The following PLCG2 variants were observed in gnomAD, a reference collection of about 807,000 sequenced individuals.
PLCG2 encodes phospholipase C gamma 2, also known as 1-phosphatidylinositol 4,5-bisphosphate phosphodiesterase gamma-2.
In PLCG2, 69 loss-of-function variants were observed where a neutral mutation model predicts 175.6. The observed-to-expected ratio is 0.39, with a 90% CI of 0.32 to 0.48. PLCG2 has a LOEUF of 0.48. Ranked by LOEUF, PLCG2 falls within the 20% of genes least tolerant of loss-of-function variation. The pLI is 0.91. For synonymous variants in PLCG2, 827 were observed against 624.0 expected (o/e 1.33, Z -4.85); for missense variants, 1,798 against 1,650.9 (o/e 1.09, Z -1.54).
At chr16:81,749,119 G>C (rs868314486) in intron 1 of PLCG2, among the ~76,000 whole-genome samples, 4 of 152,074 alleles carry the variant, frequency 2.6e-5, no homozygotes, top group Admixed American at 6.6e-5. Flanking sequence ...CTAGGATGCC[G>C]GGCAGCCAAA....
chr16:81,828,489 C>A (rs993654961), intron 2 of PLCG2, among the ~76,000 whole-genome samples: 1 of 152,024 alleles, frequency 6.6e-6, no homozygotes, highest in Non-Finnish European at 1.5e-5. Context: ...CCACCCATCT[C>A]GGCCTCCCAA....
intron 31 of PLCG2, among the ~76,000 whole-genome samples, chr16:81,953,055 T>C (rs932318761): frequency 6.6e-6 from 1 of 152,188 alleles, no homozygotes; most frequent in African/African-American, 2.4e-5. Flanking sequence ...TTGCCAAAAC[T>C]GCATCGCCTC....
intron 31 of PLCG2, among the ~76,000 whole-genome samples, chr16:81,954,655 C>T (rs1431717077): frequency 6.6e-6 from 1 of 152,184 alleles, no homozygotes; most frequent in Non-Finnish European, 1.5e-5. Context: ...CATGTCCCTG[C>T]AAAGGACATT....
At chr16:81,875,535 C>G (rs1002844241) in intron 7 of PLCG2, among the ~76,000 whole-genome samples, 1 of 152,128 alleles carries the variant, frequency 6.6e-6, no homozygotes, top group Non-Finnish European at 1.5e-5. Context: ...GTAACAGACC[C>G]CCATGTATCA....
chr16:81,919,724 T>C (rs1909985424), intron 20 of PLCG2, 60 bp downstream of exon 20: 3 of 1,423,998 alleles, frequency 2.1e-6, no homozygotes, highest in Non-Finnish European at 2.9e-6. Context: ...GTAACTCATC[T>C]GTTCATGAAT....
intron 5 of PLCG2, among the ~76,000 whole-genome samples, chr16:81,867,811 C>T (rs780381612): frequency 1.8e-4 from 28 of 152,174 alleles, no homozygotes; most frequent in Non-Finnish European, 1.5e-4. Context: ...CATTCTTCTG[C>T]CTCAGCCTCC....
At chr16:81,746,438 G>A (rs969999424) in intron 1 of PLCG2, among the ~76,000 whole-genome samples, 1 of 152,240 alleles carries the variant, frequency 6.6e-6, no homozygotes, top group African/African-American at 2.4e-5. Context: ...CGCTGGGGCA[G>A]AGTGAGCACC....
intron 8 of PLCG2, among the ~76,000 whole-genome samples, chr16:81,882,804 A>G (rs763677810): frequency 7.4e-5 from 11 of 149,512 alleles, no homozygotes; most frequent in Non-Finnish European, 1.6e-4. Flanking sequence ...ATCCCACCTC[A>G]CTCTCTGGAG....
At chr16:81,858,047 G>T in intron 3 of PLCG2, 1 of 523,894 alleles carries the variant, frequency 1.9e-6, no homozygotes, top group Non-Finnish European at 3.5e-6. Context: ...TCATCCCTGT[G>T]GTACAAAGCT....
chr16:81,803,166 T>G (rs1597327118), intron 2 of PLCG2, among the ~76,000 whole-genome samples: 2 of 147,716 alleles, frequency 1.4e-5, no homozygotes, highest in African/African-American at 4.9e-5. Context: ...TCGCCCAGGC[T>G]GGAGTGCAGT....
intron 11 of PLCG2, among the ~76,000 whole-genome samples, chr16:81,892,054 C>T (rs1469224413): frequency 6.6e-6 from 1 of 152,170 alleles, no homozygotes; most frequent in Non-Finnish European, 1.5e-5. Context: ...TGAAAGTTAA[C>T]CACAGAATAG....
At chr16:81,910,809 AGTCCCCCAG>A in intron 18 of PLCG2, 89 bp downstream of exon 18, 1 of 1,278,260 alleles carries the variant, frequency 7.8e-7, no homozygotes. Context: ...CAGCCGGGCC[AGTCCCCCAG>A]GACACCCTCT....
chr16:81,808,933 G>T (rs1015747213), intron 2 of PLCG2, among the ~76,000 whole-genome samples: 2 of 152,208 alleles, frequency 1.3e-5, no homozygotes, highest in South Asian at 2.1e-4. Context: ...GTAGTTTGTG[G>T]CCTATTGGAC....
intron 22 of PLCG2, among the ~76,000 whole-genome samples, chr16:81,926,167 G>A (rs953908402): frequency 2.0e-5 from 3 of 152,222 alleles, no homozygotes; most frequent in African/African-American, 4.8e-5. Flanking sequence ...TAGGGACGAC[G>A]GGCCAGCTGG....
intron 25 of PLCG2, among the ~76,000 whole-genome samples, chr16:81,933,889 A>AGG (rs1910605302): frequency 1.3e-5 from 2 of 152,218 alleles, no homozygotes; most frequent in African/African-American, 4.8e-5. Flanking sequence ...GGTCTTCTGA[A>AGG]GGGAGGTACC....
At chr16:81,776,150 C>T (rs1189436915), upstream of PLCG2, among the ~76,000 whole-genome samples, 3 of 76,286 alleles carry the variant, frequency 3.9e-5, no homozygotes, top group African/African-American at 1.3e-4. Context: ...ACTCTGTTGC[C>T]CAGGCTAGAG....
At chr16:81,791,963 C>T (rs1176724474) in intron 2 of PLCG2, among the ~76,000 whole-genome samples, 1 of 152,160 alleles carries the variant, frequency 6.6e-6, no homozygotes, top group East Asian at 1.9e-4. Flanking sequence ...CTCATAAATC[C>T]GAGGACATCA....
At chr16:81,778,032 C>CAAAAA (rs566484508), upstream of PLCG2, among the ~76,000 whole-genome samples, 3 of 58,712 alleles carry the variant, frequency 5.1e-5, no homozygotes, top group South Asian at 6.8e-4. Flanking sequence ...AAAAAAAAAA[C>CAAAAA]AAAAAAAAAA....
At chr16:81,788,406 G>A (rs1033174202) in intron 2 of PLCG2, among the ~76,000 whole-genome samples, 13 of 152,148 alleles carry the variant, frequency 8.5e-5, no homozygotes, top group Admixed American at 3.3e-4. Flanking sequence ...TCAGCCTCCC[G>A]AGTAGCTGGG....
Sources: gnomAD v4.1 joint callset for allele counts (sites outside exome capture counted in the v4.1 genomes callset) on GRCh38, gnomAD v4.1.1 for gene constraint, MANE v1.5 for transcripts, NCBI Gene and HGNC (gene_info 2026-07-23, HGNC 2026-07-21) for gene names.